TNFAIP8L3: variants seen among roughly 807,000 people sequenced by gnomAD.
TNFAIP8L3 encodes tumor necrosis factor alpha-induced protein 8-like protein 3.
Under a neutral mutation model 11.8 loss-of-function variants are expected in TNFAIP8L3, and 7 were observed. The ratio of observed to expected loss-of-function variants is 0.59; its 90% CI spans 0.34 to 1.11. The LOEUF is 1.11. TNFAIP8L3 is among the 50% of genes most tolerant of loss of function. The pLI is 0.03. For synonymous variants in TNFAIP8L3, 98 were observed against 103.8 expected (o/e 0.94, Z 0.34); for missense variants, 219 against 258.6 (o/e 0.85, Z 1.05).
At chr15:51,078,889 A>G (rs1418001018) in intron 1 of TNFAIP8L3, among the ~76,000 whole-genome samples, 1 of 152,090 alleles carries the variant, frequency 6.6e-6, no homozygotes, top group African/African-American at 2.4e-5. Context: ...TCGCTACCTC[A>G]GTACAGACCC....
chr15:51,067,813 G>T (rs574467961), intron 1 of TNFAIP8L3, among the ~76,000 whole-genome samples: 1 of 152,336 alleles, frequency 6.6e-6, no homozygotes, highest in East Asian at 1.9e-4. Flanking sequence ...GAGGACTGAA[G>T]ATGAGCCGCT....
At chr15:51,091,442 G>A (rs1310668758) in intron 1 of TNFAIP8L3, among the ~76,000 whole-genome samples, 1 of 152,180 alleles carries the variant, frequency 6.6e-6, no homozygotes, top group East Asian at 1.9e-4. Flanking sequence ...AATGTGGGAG[G>A]TGGAGGGCAG....
chr15:51,059,708 C>T (rs2065230795), intron 1 of TNFAIP8L3, among the ~76,000 whole-genome samples: 1 of 152,246 alleles, frequency 6.6e-6, no homozygotes, highest in South Asian at 2.1e-4. Context: ...ATACAGTGTA[C>T]ACCAAACTGA....
intron 1 of TNFAIP8L3, among the ~76,000 whole-genome samples, chr15:51,082,670 T>A (rs2065400540): frequency 6.6e-6 from 1 of 152,226 alleles, no homozygotes; most frequent in Admixed American, 6.5e-5. Context: ...AAGCACATTG[T>A]ATAGCTGTAC....
At chr15:51,082,725 C>T (rs1424452114) in intron 1 of TNFAIP8L3, among the ~76,000 whole-genome samples, 2 of 151,926 alleles carry the variant, frequency 1.3e-5, no homozygotes, top group African/African-American at 4.8e-5. Flanking sequence ...AAGCTTTTTT[C>T]TATTAATTTT....
chr15:51,077,338 T>C (rs1259078503), intron 1 of TNFAIP8L3, among the ~76,000 whole-genome samples: 2 of 152,180 alleles, frequency 1.3e-5, no homozygotes, highest in East Asian at 1.9e-4. Context: ...GACGTAGCTG[T>C]GGGTGGGACT....
chr15:51,072,216 C>T (rs1185766793), intron 1 of TNFAIP8L3, among the ~76,000 whole-genome samples: 1 of 152,150 alleles, frequency 6.6e-6, no homozygotes, highest in Non-Finnish European at 1.5e-5. Context: ...TCTCGGCTCA[C>T]CGCAACCTCT....
chr15:51,070,952 G>A (rs145907767), intron 1 of TNFAIP8L3, among the ~76,000 whole-genome samples: 9,022 of 145,864 alleles, frequency 0.062, 950 homozygotes, highest in African/African-American at 0.22. Flanking sequence ...TTGGGAGGCT[G>A]AGGCAGGAGA....
At chr15:51,061,548 A>C (rs139464287) in intron 1 of TNFAIP8L3, among the ~76,000 whole-genome samples, 1 of 152,356 alleles carries the variant, frequency 6.6e-6, no homozygotes, top group African/African-American at 2.4e-5. Context: ...TTCTTTAAAA[A>C]TTGGAAATGT....
chr15:51,065,121 G>A (rs1181821417), intron 1 of TNFAIP8L3, among the ~76,000 whole-genome samples: 3 of 152,168 alleles, frequency 2.0e-5, no homozygotes, highest in Admixed American at 6.5e-5. Context: ...ATTATGTAGC[G>A]ATAGCAAATT....
rs930737208 is a variant in TNFAIP8L3 at position 51,104,583 on chromosome 15, A to G, written c.172+422T>C. On this transcript the variant is annotated intron_variant, in intron 1 of 2. Transcript: ENST00000327536. Reference sequence around the variant, plus strand: ...GTCTGCTGCAGCCTCGTCCCTGATGAGTGCACTCCTGGCCCCTCCTTCCCC... The same window carrying G: ...GTCTGCTGCAGCCTCGTCCCTGATGGGTGCACTCCTGGCCCCTCCTTCCCC... Among the ~76,000 whole-genome samples the G allele has an allele frequency of 3.3e-5, 5 of 152,138 alleles. 1 individual carries two copies. Among genetic ancestry groups the G allele is most frequent in the Middle Eastern group, 6.8e-3 (2 of 294 alleles).
At chr15:51,082,336 A>G (rs1464422284) in intron 1 of TNFAIP8L3, among the ~76,000 whole-genome samples, 2 of 152,212 alleles carry the variant, frequency 1.3e-5, no homozygotes, top group Non-Finnish European at 2.9e-5. Flanking sequence ...CTAAACATGT[A>G]TAAGGTACAG....
At chr15:51,092,115 C>A (rs966876595) in intron 1 of TNFAIP8L3, among the ~76,000 whole-genome samples, 1 of 152,196 alleles carries the variant, frequency 6.6e-6, no homozygotes, top group Non-Finnish European at 1.5e-5. Flanking sequence ...TTTACACTTA[C>A]AATGTCCATC....
At chr15:51,077,337 G>C (rs2065359395) in intron 1 of TNFAIP8L3, among the ~76,000 whole-genome samples, 1 of 152,234 alleles carries the variant, frequency 6.6e-6, no homozygotes, top group Non-Finnish European at 1.5e-5. Context: ...TGACGTAGCT[G>C]TGGGTGGGAC....
chr15:51,073,922 T>C (rs973517303), intron 1 of TNFAIP8L3, among the ~76,000 whole-genome samples: 4 of 152,258 alleles, frequency 2.6e-5, no homozygotes. Flanking sequence ...TCCACTGAGA[T>C]GATCATATAA....
intron 1 of TNFAIP8L3, among the ~76,000 whole-genome samples, chr15:51,072,626 A>C (rs1158528688): frequency 6.6e-6 from 1 of 152,070 alleles, no homozygotes; most frequent in Non-Finnish European, 1.5e-5. Context: ...TTATCTGTAC[A>C]TATTGCATGA....
At chr15:51,098,176 A>G (rs1201663928), upstream of TNFAIP8L3, among the ~76,000 whole-genome samples, 1 of 152,204 alleles carries the variant, frequency 6.6e-6, no homozygotes, top group Non-Finnish European at 1.5e-5. Flanking sequence ...TTCTGCTAAC[A>G]CAATAATACT....
chr15:51,065,108 G>T (rs900413482), intron 1 of TNFAIP8L3, among the ~76,000 whole-genome samples: 1 of 152,226 alleles, frequency 6.6e-6, no homozygotes, highest in Non-Finnish European at 1.5e-5. Context: ...ACATAAAAAT[G>T]TGATTATGTA....
rs75846067 is a variant in TNFAIP8L3, at chr15:51,104,431, A to G, written c.172+574T>C. On this transcript the variant is annotated intron_variant, in intron 1 of 2. Transcript: ENST00000327536. Reference sequence around the variant, plus strand: ...ACAGGAGAGTCCTGAATATACACCAAAACAAAGAACTACCCAGAGTCCACG... The same window carrying G: ...ACAGGAGAGTCCTGAATATACACCAGAACAAAGAACTACCCAGAGTCCACG... 4.8e-3 allele frequency among the ~76,000 whole-genome samples: 736 copies of G among 152,236 alleles called. 6 individuals are homozygous for G. The highest frequency in any genetic ancestry group is 0.014 in the Middle Eastern group (4 of 294).
Sources: gnomAD v4.1 joint callset for allele counts (sites outside exome capture counted in the v4.1 genomes callset) on GRCh38, gnomAD v4.1.1 for gene constraint, MANE v1.5 for transcripts, NCBI Gene and HGNC (gene_info 2026-07-23, HGNC 2026-07-21) for gene names.